Variants in NLRP5 observed in about 807,000 individuals in gnomAD.
NLRP5 encodes the protein NLR family pyrin domain containing 5, also known as NACHT, LRR and PYD domains-containing protein 5.
A neutral mutation model predicts 113.1 loss-of-function variants in NLRP5; 93 were observed. The ratio of observed to expected loss-of-function variants is 0.82; its 90% CI spans 0.70 to 0.98. NLRP5 has a LOEUF of 0.98. Among genes scored for constraint, NLRP5 ranks in the 50% least tolerant of loss-of-function variants. The pLI is 0.00. For missense variants in NLRP5, 1,808 were observed against 1,514.3 expected, an observed-to-expected ratio of 1.19 and a Z score of -3.22; for synonymous variants, 751 against 600.7, an observed-to-expected ratio of 1.25 and a Z score of -3.66.
At chr19:56,018,564 C>T (rs147571338) in intron 4 of NLRP5, 5 of 152,316 alleles carry the variant, frequency 3.3e-5, no homozygotes, top group Non-Finnish European at 5.9e-5. Context: ...TGACAACTCA[C>T]ATTTGAATCC....
At chr19:56,022,251 G>C (rs1205796516) in intron 6 of NLRP5, among the ~76,000 whole-genome samples, 1 of 152,146 alleles carries the variant, frequency 6.6e-6, no homozygotes, top group Non-Finnish European at 1.5e-5. Flanking sequence ...ACAGGGTCTT[G>C]CTGTGTCGCC....
At chr19:56,026,883 T>C in intron 6 of NLRP5, 30 bp from the exon 7 acceptor site, 1 of 1,537,086 alleles carries the variant, frequency 6.5e-7, no homozygotes, top group Non-Finnish European at 8.8e-7. Context: ...GTCTGTTTCC[T>C]GATTTTCATT....
At chr19:56,001,340 C>CAAA (rs1032640874) in intron 1 of NLRP5, among the ~76,000 whole-genome samples, 1 of 140,632 alleles carries the variant, frequency 7.1e-6, no homozygotes, top group African/African-American at 2.6e-5. Flanking sequence ...AAAAAACAAA[C>CAAA]AAAAAACACC....
At position 56,028,272 on chromosome 19, in the gene NLRP5, C is replaced by G. The variant is rs761274450; in HGVS notation, c.2039C>G (p.Thr680Ser). Residue 680 changes from threonine (T) to serine (S), a missense_variant, in exon 7 of 15, where the codon ACC (threonine) becomes AGC (serine). By Grantham distance (58) the Thr-to-Ser change is moderately conservative. Coordinates refer to ENST00000390649, the MANE Select transcript of NLRP5 (RefSeq NM_153447.4). ...TTGGGTCAGCAGCCTAATGCCACCA[C>G]CCCAGGAGACACCCTGGACGCCTTC... is the stretch of plus-strand genomic sequence containing the variant. 3.1e-6 allele frequency: 5 copies of G among 1,613,820 alleles called. No homozygotes were observed. In the Admixed American group the frequency reaches 5.0e-5, roughly 16 times the overall value.
chr19:56,000,326 C>T (rs756391884), intron 1 of NLRP5, among the ~76,000 whole-genome samples: 18 of 151,826 alleles, frequency 1.2e-4, no homozygotes, highest in Non-Finnish European at 1.9e-4. Flanking sequence ...TCCTGTGTCC[C>T]AGGGGAAAAC....
In NLRP5 at chr19:56,058,395, A is replaced by G. The variant is rs1373461761; in HGVS notation, c.3455A>G (p.Asn1152Ser). 3 of 1,613,086 alleles carry G rather than the reference A, an allele frequency of 1.9e-6. No homozygotes were observed. Among genetic ancestry groups the G allele is most frequent in the Non-Finnish European group, 2.5e-6 (3 of 1,179,538 alleles). ...TCGGCCTTTGCCTGTCCCACGTCTAACTTACAGATAATTGGGTAAGTCGCC... is the reference window on the plus strand; with the variant it reads ...TCGGCCTTTGCCTGTCCCACGTCTAGCTTACAGATAATTGGGTAAGTCGCC... Residue 1152 changes from asparagine (N) to serine (S), a missense_variant, in exon 14 of 15, where the codon AAC becomes AGC. Transcript: ENST00000390649.
At chr19:55,989,741 A>G in the NLRP5 span, among the ~76,000 whole-genome samples, 2 of 152,168 alleles carry the variant, frequency 1.3e-5, no homozygotes, top group African/African-American at 2.4e-5. Flanking sequence ...ATTTTTAAGG[A>G]TGCAGGGCAC....
chr19:55,988,434 A>G, the NLRP5 span: 11 of 127,022 alleles, frequency 8.7e-5, no homozygotes, highest in Non-Finnish European at 1.8e-4. Context: ...AAATATATAT[A>G]TGTGTGTGTG....
intron 2 of NLRP5, among the ~76,000 whole-genome samples, chr19:56,005,673 G>A (rs1186967036): frequency 1.3e-5 from 2 of 151,878 alleles, no homozygotes; most frequent in Non-Finnish European, 2.9e-5. Flanking sequence ...GCACATCCGT[G>A]ACCTGGATGC....
At chr19:55,991,981 A>G in the NLRP5 span, among the ~76,000 whole-genome samples, 1 of 152,116 alleles carries the variant, frequency 6.6e-6, no homozygotes, top group Non-Finnish European at 1.5e-5. Context: ...TATTAAGCCC[A>G]GTACCCAGTC....
rs577721268 is a variant in NLRP5 at position 56,010,144 on chromosome 19, C to T, written c.508+1291C>T. 3.3e-5 allele frequency among the ~76,000 whole-genome samples: 5 copies of T among 152,292 alleles called. No individual in the cohort carries two copies. The South Asian group carries it at 6.2e-4, about 19-fold the overall frequency. ...GATCCCTCTGAGCTGCTCCTGGACA[C>T]GAGAACTACCACTTCTTGAGACCAC... On this transcript the variant is annotated intron_variant, in intron 3 of 14. Transcript: ENST00000390649.
chr19:56,002,631 A>G (rs1981701351), intron 1 of NLRP5, among the ~76,000 whole-genome samples: 1 of 147,624 alleles, frequency 6.8e-6, no homozygotes, highest in Non-Finnish European at 1.5e-5. Context: ...CAACCCCACA[A>G]CAGTCCCTGG....
rs755378184 is a variant in NLRP5 at position 56,004,064 on chromosome 19, C to T, written c.411C>T (p.Thr137=). The T allele has an allele frequency of 4.3e-6, 7 of 1,612,132 alleles. No individual in the cohort carries two copies. The highest frequency in any genetic ancestry group is 3.3e-5 in the South Asian group (3 of 90,824). The change falls in exon 2 of 15, where the codon ACC becomes ACT. Residue 137 remains threonine (T), a synonymous_variant. Coordinates refer to ENST00000390649, the MANE Select transcript of NLRP5 (RefSeq NM_153447.4). ...TCTTTGAAAACATGAACCTGCGAAC[C>T]CTCTCGGAGAAGGCACGGGATGACA...
At chr19:55,992,953 G>C in the NLRP5 span, among the ~76,000 whole-genome samples, 6 of 151,976 alleles carry the variant, frequency 3.9e-5, no homozygotes, top group South Asian at 1.3e-3. Flanking sequence ...AGGTTCAAGC[G>C]ATTCTCCTGC....
intron 6 of NLRP5, among the ~76,000 whole-genome samples, chr19:56,024,480 C>T (rs139054347): frequency 0.021 from 3,011 of 144,872 alleles, 108 homozygotes; most frequent in African/African-American, 0.072. Flanking sequence ...CGTGTGTATA[C>T]GTACATGCGT....
the NLRP5 span, among the ~76,000 whole-genome samples, chr19:55,987,256 C>T: frequency 0.37 from 56,708 of 152,092 alleles, 10,781 homozygotes; most frequent in Admixed American, 0.4. Flanking sequence ...TATAATCCCA[C>T]CTTCTAGGGA....
intron 11 of NLRP5, among the ~76,000 whole-genome samples, chr19:56,042,533 G>A (rs978790950): frequency 3.9e-5 from 6 of 152,132 alleles, no homozygotes; most frequent in African/African-American, 4.8e-5. Flanking sequence ...ATTTTTAGTA[G>A]AGGCAGGGTT....
chr19:55,999,557 G>C (rs527479963), upstream of NLRP5, among the ~76,000 whole-genome samples: 12 of 152,174 alleles, frequency 7.9e-5, no homozygotes, highest in South Asian at 2.5e-3. Context: ...TTTAGAGCAG[G>C]TGGTGTTCAG....
At chr19:55,993,791 G>A in the NLRP5 span, among the ~76,000 whole-genome samples, 1 of 151,030 alleles carries the variant, frequency 6.6e-6, no homozygotes, top group Non-Finnish European at 1.5e-5. Flanking sequence ...CACATGAAGA[G>A]CTACAGGCTC....
Sources: gnomAD v4.1 joint callset for allele counts (sites outside exome capture counted in the v4.1 genomes callset) on GRCh38, gnomAD v4.1.1 for gene constraint, MANE v1.5 for transcripts, NCBI Gene and HGNC (gene_info 2026-07-23, HGNC 2026-07-21) for gene names.